The following CLCNKB variants were observed in gnomAD, a reference collection of about 807,000 sequenced individuals.
CLCNKB encodes the protein chloride voltage-gated channel Kb.
A neutral mutation model predicts 83.8 loss-of-function variants in CLCNKB; 74 were observed. The ratio of observed to expected loss-of-function variants is 0.88; its 90% CI spans 0.73 to 1.07. The LOEUF is 1.07. CLCNKB is among the 50% of genes least tolerant of loss of function. The probability of loss-of-function intolerance (pLI) is 0.00; values close to 1 mark genes in which losing one functional copy is unlikely to be tolerated. For synonymous variants in CLCNKB, 358 were observed against 356.6 expected (o/e 1.00, Z -0.04); for missense variants, 798 against 893.6 (o/e 0.89, Z 1.36).
rs537754440 is a variant in CLCNKB at position 16,056,196 on chromosome 1, G to T, written c.1930-226G>T. 3.3e-5 allele frequency among the ~76,000 whole-genome samples: 5 copies of T among 152,236 alleles called. No homozygotes were observed. The South Asian group carries it at 1.0e-3, about 32-fold the overall frequency. ...ATGGCCCCGCCCCCTCTGTGCTGCTGGAGGGTGCTGGATATTAGGTCCTGT... is the reference window on the plus strand; with the variant it reads ...ATGGCCCCGCCCCCTCTGTGCTGCTTGAGGGTGCTGGATATTAGGTCCTGT... On this transcript the variant is annotated intron_variant, in intron 18 of 19. Transcript: ENST00000375679.
chr1:16,045,971 C>G (rs550936051), intron 3 of CLCNKB, among the ~76,000 whole-genome samples: 16 of 152,214 alleles, frequency 1.1e-4, no homozygotes, highest in Non-Finnish European at 2.1e-4. Flanking sequence ...GTTTCTTCTC[C>G]TTCCCTCCTC....
rs1322229172 is a variant in CLCNKB at position 16,049,801 on chromosome 1, T to A, written c.867-14T>A. The A allele has an allele frequency of 6.2e-7, 1 of 1,613,814 alleles. No individual in the cohort carries two copies. The highest frequency in any genetic ancestry group is 2.2e-5 in the East Asian group (1 of 44,844). ...TGGGGTCGGGCTCTGGGCTCATGTC[T>A]CCATGCTCCCCAGGGGTCTCTGTGG... On this transcript the variant is annotated splice_polypyrimidine_tract_variant and intron_variant, in intron 9 of 19. Transcript: ENST00000375679.
At chr1:16,046,855 G>A (rs1265410356) in intron 4 of CLCNKB, among the ~76,000 whole-genome samples, 192 bp downstream of exon 4, 1 of 152,236 alleles carries the variant, frequency 6.6e-6, no homozygotes, top group Non-Finnish European at 1.5e-5. Context: ...CTTTCCAGGG[G>A]CTCCGCTGGG....
chr1:16,052,074 A>G, intron 14 of CLCNKB, 124 bp from the exon 15 acceptor site: 1 of 1,280,968 alleles, frequency 7.8e-7, no homozygotes. Context: ...GGCACTTCCC[A>G]CAGTGCCCAG....
intron 2 of CLCNKB, among the ~76,000 whole-genome samples, chr1:16,044,879 C>T (rs1362943148): frequency 1.3e-5 from 2 of 152,228 alleles, no homozygotes; most frequent in Non-Finnish European, 2.9e-5. Flanking sequence ...CTACCTGTGC[C>T]AATGAGGGGA....
chr1:16,045,211 A>G (rs1218849194), intron 2 of CLCNKB, among the ~76,000 whole-genome samples: 2 of 152,140 alleles, frequency 1.3e-5, no homozygotes, highest in South Asian at 4.1e-4. Flanking sequence ...TCTCTAAGCT[A>G]TGGACTCTGC....
intron 14 of CLCNKB, 122 bp from the exon 15 acceptor site, chr1:16,052,075 CA>C (rs1040670143): frequency 7.0e-6 from 9 of 1,288,568 alleles, no homozygotes; most frequent in Non-Finnish European, 8.8e-6. Context: ...GCACTTCCCA[CA>C]GTGCCCAGGC....
chr1:16,052,012 C>T (rs937882380), intron 14 of CLCNKB, among the ~76,000 whole-genome samples, 186 bp from the exon 15 acceptor site: 2 of 152,120 alleles, frequency 1.3e-5, no homozygotes, highest in African/African-American at 4.8e-5. Flanking sequence ...GGCTCCTGTC[C>T]CCAGCCCTGC....
chr1:16,045,258 C>T (rs542358122), intron 2 of CLCNKB, among the ~76,000 whole-genome samples: 4 of 152,288 alleles, frequency 2.6e-5, no homozygotes, highest in East Asian at 3.9e-4. Context: ...CCAGCCCCCT[C>T]CATACTCCCT....
intron 13 of CLCNKB, 37 bp from the exon 14 acceptor site, chr1:16,051,673 T>C: frequency 1.9e-6 from 3 of 1,604,724 alleles, no homozygotes; most frequent in Non-Finnish European, 2.6e-6. Context: ...GGGGGCCGGG[T>C]CAGCCTGGCT....
At chr1:16,046,684 C>T (rs779191112) in intron 4 of CLCNKB, 21 bp downstream of exon 4, 2 of 1,593,654 alleles carry the variant, frequency 1.3e-6, no homozygotes, top group African/African-American at 1.4e-5. Context: ...AGTCGCTACG[C>T]CAGTCCCCAC....
intron 3 of CLCNKB, 42 bp from the exon 4 acceptor site, chr1:16,046,493 G>T (rs761729975): frequency 8.1e-6 from 13 of 1,611,868 alleles, no homozygotes; most frequent in African/African-American, 1.3e-5. Context: ...CCCGAGGGCT[G>T]CAGAGGCTGT....
rs769961890 is a variant in CLCNKB, at chr1:16,051,762, G to C, written c.1350G>C (p.Glu450Asp). 5.6e-6 allele frequency: 9 copies of C among 1,613,942 alleles called. No homozygotes were observed. The highest frequency in any genetic ancestry group is 1.1e-5 in the South Asian group (1 of 91,084). Residue 450 changes from glutamate to aspartate, a missense_variant, in exon 14 of 20, where the codon GAG (glutamate) becomes GAC (aspartate). By Grantham distance (45) the Glu-to-Asp change is conservative. Transcript: ENST00000375679. ...FGETLSFIFP[E>D]GIVAGGITNP... Reference sequence around the variant, plus strand: ...AGACTCTCTCTTTTATCTTCCCTGAGGGCATCGTGGCTGGAGGGATCACCA... The same window carrying C: ...AGACTCTCTCTTTTATCTTCCCTGACGGCATCGTGGCTGGAGGGATCACCA...
intron 2 of CLCNKB, 34 bp from the exon 3 acceptor site, chr1:16,045,524 C>T (rs1415625811): frequency 2.5e-6 from 4 of 1,610,462 alleles, no homozygotes; most frequent in Non-Finnish European, 3.4e-6. Context: ...GCCTCCTGCC[C>T]CACCCTGTGC....
chr1:16,052,436 A>G lies in CLCNKB; in HGVS notation c.1622+25A>G, dbSNP rs56334930. On this transcript the variant is annotated intron_variant, in intron 15 of 19. Coordinates refer to ENST00000375679, the MANE Select transcript of CLCNKB (RefSeq NM_000085.5). ...GGTGAGTGGTGCCCACCTCAGGCTG[A>G]CTGAAGGGGGTCACAGTGTTTGGGA... is the stretch of plus-strand genomic sequence containing the variant. The G allele has an allele frequency of 0.11, 183,594 of 1,612,672 alleles. 11,817 individuals are homozygous for G. The highest frequency in any genetic ancestry group is 0.22 in the African/African-American group (16,779 of 74,902).
rs1212383858 is a variant in CLCNKB at position 16,044,566 on chromosome 1, G to A, written c.74G>A (p.Cys25Tyr). The change falls in exon 2 of 20, where the codon TGT becomes TAT. Residue 25 changes from cysteine (C) to tyrosine (Y), a missense_variant. Physicochemically the swap from Cys to Tyr is radical, Grantham distance 194. Transcript: ENST00000375679. ...PVTLQELWGPCPRIRRGIRGG... is the reference protein window; with the variant it reads ...PVTLQELWGPYPRIRRGIRGG... ...ACTCTGCAGGAGCTGTGGGGCCCCT[G>A]TCCCCGCATCCGCCGAGGCATCCGA... The A allele has an allele frequency of 1.2e-6, 2 of 1,605,214 alleles. No homozygotes were observed. Among genetic ancestry groups the A allele is most frequent in the South Asian group, 2.3e-5 (2 of 88,596 alleles).
Position 16,052,280 on chromosome 1 carries a change from T to C in CLCNKB, c.1491T>C (p.His497=). 6.2e-7 allele frequency: 1 copy of C among 1,613,344 alleles called. No individual in the cohort carries two copies. ...LAFEVTGQIV[H]ALPVLMAVLA... ...TCGAGGTGACCGGCCAGATAGTGCA[T>C]GCACTGCCCGTGCTGATGGCGGTGC... Residue 497 remains histidine, a synonymous_variant, in exon 15 of 20, where the codon CAT becomes CAC. Coordinates refer to ENST00000375679, the MANE Select transcript of CLCNKB (RefSeq NM_000085.5).
chr1:16,045,728 C>T lies in CLCNKB; in HGVS notation c.229+42C>T. ...AGGTGCTGCTCTGGGCCAAGGGATT[C>T]TGAGCTCTCTCTGGGGATGCCAGGT... On this transcript the variant is annotated intron_variant, in intron 3 of 19. Transcript: ENST00000375679. 1.4e-5 allele frequency: 21 copies of T among 1,493,444 alleles called. 1 individual carries two copies. The highest frequency in any genetic ancestry group is 1.9e-5 in the Non-Finnish European group (21 of 1,102,900). The allele number at this position is 1,493,444 out of a possible 1,614,324, so 92.5% of individuals were successfully genotyped here. A position where few individuals can be genotyped will look rare whatever the true frequency, so the allele number is the denominator to read the frequency against.
intron 7 of CLCNKB, 39 bp from the exon 8 acceptor site, chr1:16,049,081 G>A (rs1400462011): frequency 1.2e-6 from 2 of 1,613,266 alleles, no homozygotes; most frequent in Non-Finnish European, 1.7e-6. Context: ...ACAGGTGGGT[G>A]GGGGTGGAGG....
Sources: allele counts gnomAD v4.1 joint callset (sites outside exome capture counted in the v4.1 genomes callset), GRCh38; gene constraint gnomAD v4.1.1; transcripts MANE v1.5; gene names NCBI Gene and HGNC (gene_info 2026-07-23, HGNC 2026-07-21).